PLXNA4: variants seen among roughly 807,000 people sequenced by gnomAD.
PLXNA4 encodes plexin A4.
PLXNA4 carries 44 observed loss-of-function variants against 191.8 expected under a neutral mutation model. The observed-to-expected ratio is 0.23, with a 90% CI of 0.18 to 0.29. The LOEUF is 0.29. PLXNA4 is among the 10% of genes least tolerant of loss of function. The probability of loss-of-function intolerance (pLI) is 1.00; values close to 1 mark genes in which losing one functional copy is unlikely to be tolerated. For missense variants in PLXNA4, 1,800 were observed against 2,488.8 expected (o/e 0.72, Z 5.89); for synonymous variants, 1,082 against 1,009.5 (o/e 1.07, Z -1.36).
intron 25 of PLXNA4, among the ~76,000 whole-genome samples, chr7:132,159,252 C>T (rs1461187471): frequency 2.0e-5 from 3 of 152,130 alleles, no homozygotes; most frequent in African/African-American, 7.2e-5. Flanking sequence ...GCCCGTGGAC[C>T]CCTCTCTGCA....
At chr7:132,519,093 A>G (rs1161039399) in intron 1 of PLXNA4, among the ~76,000 whole-genome samples, 1 of 152,234 alleles carries the variant, frequency 6.6e-6, no homozygotes, top group Non-Finnish European at 1.5e-5. Flanking sequence ...CTTTAAAAAC[A>G]CAGCACTCTC....
At chr7:132,293,356 A>T (rs1271186071) in intron 4 of PLXNA4, among the ~76,000 whole-genome samples, 1 of 152,206 alleles carries the variant, frequency 6.6e-6, no homozygotes, top group Non-Finnish European at 1.5e-5. Flanking sequence ...CACATCTTAC[A>T]TGGCGGCAGG....
chr7:132,255,370 A>G (rs534019272), intron 4 of PLXNA4, among the ~76,000 whole-genome samples: 1 of 152,304 alleles, frequency 6.6e-6, no homozygotes, highest in East Asian at 1.9e-4. Context: ...TAAATGACAT[A>G]ATACATGTAA....
rs543198144 is a variant in PLXNA4, at chr7:132,208,870, G to A, written c.2298+2073C>T. ...ACAGCACCCACCTGCCTGGTGCTGCGGAGACCCTGTTTGTGCTCTTGTTCC... is the reference window on the plus strand; with the variant it reads ...ACAGCACCCACCTGCCTGGTGCTGCAGAGACCCTGTTTGTGCTCTTGTTCC... On this transcript the variant is annotated intron_variant, in intron 10 of 31. Transcript: ENST00000321063. Among the ~76,000 whole-genome samples, 24 of 152,262 alleles carry A rather than the reference G, an allele frequency of 1.6e-4. 1 individual carries two copies. Among genetic ancestry groups the A allele is most frequent in the African/African-American group, 1.2e-4 (5 of 41,548 alleles).
rs10272560 is a variant in PLXNA4 at position 132,393,452 on chromosome 7, A to G, written c.1372-95230T>C. 5.5e-3 allele frequency among the ~76,000 whole-genome samples: 840 copies of G among 152,184 alleles called. 7 individuals carry two copies. The highest frequency in any genetic ancestry group is 0.019 in the African/African-American group (784 of 41,524). ...GAGTCAAGAGCAAACAGCCCCACAT[A>G]TGAACCTGGATTTGGGCATGGCTGA... On this transcript the variant is annotated intron_variant, in intron 3 of 31. Coordinates refer to ENST00000321063, the MANE Select transcript of PLXNA4 (RefSeq NM_020911.2).
intron 1 of PLXNA4, among the ~76,000 whole-genome samples, chr7:132,558,780 C>T (rs1000778397): frequency 5.3e-5 from 8 of 152,216 alleles, no homozygotes; most frequent in African/African-American, 7.2e-5. Flanking sequence ...TCTTCTCATC[C>T]GAGCATAAAG....
chr7:132,235,489 A>G (rs1798667739), intron 5 of PLXNA4, among the ~76,000 whole-genome samples: 1 of 152,200 alleles, frequency 6.6e-6, no homozygotes, highest in Admixed American at 6.5e-5. Flanking sequence ...TTGAAAAGTA[A>G]CCCCTGCCAA....
chr7:132,259,400 C>A (rs540072879), intron 4 of PLXNA4, among the ~76,000 whole-genome samples: 6 of 113,692 alleles, frequency 5.3e-5, no homozygotes, highest in African/African-American at 1.4e-4. Context: ...GGTGTCACTG[C>A]ACTCCAGCCT....
intron 3 of PLXNA4, among the ~76,000 whole-genome samples, chr7:132,478,235 A>G (rs1012875770): frequency 1.3e-5 from 2 of 152,268 alleles, no homozygotes; most frequent in East Asian, 1.9e-4. Flanking sequence ...TTTAAGATGT[A>G]TCTTTCTCTC....
chr7:132,501,623 A>G (rs548399777), intron 2 of PLXNA4, among the ~76,000 whole-genome samples: 2 of 152,310 alleles, frequency 1.3e-5, no homozygotes, highest in Admixed American at 1.3e-4. Context: ...CATGCACACT[A>G]GTCTGGGATG....
At chr7:132,621,346 C>T (rs897926298) in intron 2 of PLXNA4, among the ~76,000 whole-genome samples, 5 of 151,070 alleles carry the variant, frequency 3.3e-5, no homozygotes, top group South Asian at 4.2e-4. Flanking sequence ...CTGCAACCTC[C>T]GCCTCCTTGG....
chr7:132,433,991 T>C (rs577067805), intron 3 of PLXNA4, among the ~76,000 whole-genome samples: 3 of 152,326 alleles, frequency 2.0e-5, no homozygotes, highest in Admixed American at 6.5e-5. Context: ...AGCCCATCAA[T>C]GAAAGCATGT....
chr7:132,202,556 C>A, intron 12 of PLXNA4, 90 bp downstream of exon 12: 2 of 1,323,426 alleles, frequency 1.5e-6, no homozygotes, highest in East Asian at 2.8e-5. Flanking sequence ...ACTGGGTGAC[C>A]GACACCACGG....
chr7:132,496,960 G>C (rs1798042436), intron 2 of PLXNA4, among the ~76,000 whole-genome samples: 2 of 152,216 alleles, frequency 1.3e-5, no homozygotes, highest in African/African-American at 4.8e-5. Flanking sequence ...AAAGGAAAGT[G>C]AGAAATGACG....
chr7:132,482,851 C>T (rs1431185012), intron 3 of PLXNA4, among the ~76,000 whole-genome samples: 1 of 152,036 alleles, frequency 6.6e-6, no homozygotes, highest in African/African-American at 2.4e-5. Context: ...CACCATCATG[C>T]CCGGCTAATT....
chr7:132,537,731 G>A (rs1212092004), intron 1 of PLXNA4, among the ~76,000 whole-genome samples: 2 of 152,210 alleles, frequency 1.3e-5, no homozygotes, highest in African/African-American at 4.8e-5. Context: ...CTCTGAGAGT[G>A]AGGTGTCAAA....
At chr7:132,314,188 G>A (rs969585398) in intron 3 of PLXNA4, among the ~76,000 whole-genome samples, 2 of 152,110 alleles carry the variant, frequency 1.3e-5, no homozygotes, top group Admixed American at 6.5e-5. Flanking sequence ...GGATTAAACA[G>A]TTTCACAGAA....
At chr7:132,331,054 G>T (rs1003773631) in intron 3 of PLXNA4, among the ~76,000 whole-genome samples, 1 of 152,106 alleles carries the variant, frequency 6.6e-6, no homozygotes. Context: ...GGATGGGACA[G>T]TGGGGAGGGG....
intron 3 of PLXNA4, among the ~76,000 whole-genome samples, chr7:132,408,110 CTT>C (rs1265798126): frequency 6.6e-6 from 1 of 151,374 alleles, no homozygotes; most frequent in Non-Finnish European, 1.5e-5. Flanking sequence ...TGAGAACTAA[CTT>C]AAATATAAAA....
Sources: gnomAD v4.1 joint callset for allele counts (sites outside exome capture counted in the v4.1 genomes callset) on GRCh38, gnomAD v4.1.1 for gene constraint, MANE v1.5 for transcripts, NCBI Gene and HGNC (gene_info 2026-07-23, HGNC 2026-07-21) for gene names.